VPS50: variants seen among roughly 807,000 people sequenced by gnomAD.
VPS50 encodes the protein VPS50 subunit of EARP/GARPII complex.
VPS50 carries 70 observed loss-of-function variants against 139.7 expected under a neutral mutation model. That is an observed-to-expected ratio of 0.50 (90% CI 0.41 to 0.61). VPS50 has a LOEUF of 0.61. Ranked by LOEUF, VPS50 falls within the 20% of genes least tolerant of loss-of-function variation. The pLI is 0.00. For missense variants in VPS50, 921 were observed against 1,133.7 expected, an observed-to-expected ratio of 0.81 and a Z score of 2.69; for synonymous variants, 365 against 376.7, an observed-to-expected ratio of 0.97 and a Z score of 0.36.
At chr7:93,260,112 G>A (rs1244502204) in intron 9 of VPS50, among the ~76,000 whole-genome samples, 1 of 152,122 alleles carries the variant, frequency 6.6e-6, no homozygotes, top group Non-Finnish European at 1.5e-5. Context: ...GTTTGTAATA[G>A]TTAAGTGATT....
intron 12 of VPS50, among the ~76,000 whole-genome samples, chr7:93,282,817 A>G (rs777637375): frequency 2.0e-5 from 3 of 152,242 alleles, no homozygotes; most frequent in Non-Finnish European, 4.4e-5. Flanking sequence ...ACTTCAAAGA[A>G]TATTATCATT....
chr7:93,276,262 C>T lies in VPS50; in HGVS notation c.899C>T (p.Thr300Ile). ...TATGTGGAACTATGTGCAGGAAACA[C>T]AGACACAAAATTCCAAAAGCTGCAA... ...LGYVELCAGN[T>I]DTKFQKLQYK... The change falls in exon 12 of 28, where the codon ACA becomes ATA. Residue 300 changes from threonine (T) to isoleucine (I), a missense_variant. Thr to Ile is a moderately conservative substitution (Grantham distance 89). Around this residue, in one of 3 missense-constraint regions of VPS50, gnomAD observed 744 missense variants for 930.6 expected, o/e 0.80. Transcript: ENST00000305866. 1 of 1,613,644 alleles carries T rather than the reference C, an allele frequency of 6.2e-7. No homozygotes were observed. The highest frequency in any genetic ancestry group is 1.1e-5 in the South Asian group (1 of 91,048).
At chr7:93,261,037 A>ATG (rs1795654586) in intron 9 of VPS50, among the ~76,000 whole-genome samples, 1 of 152,196 alleles carries the variant, frequency 6.6e-6, no homozygotes, top group Non-Finnish European at 1.5e-5. Context: ...CATTAGTAGA[A>ATG]ACTTGACGAT....
At chr7:93,284,403 G>A (rs1393030243) in intron 12 of VPS50, among the ~76,000 whole-genome samples, 1 of 152,156 alleles carries the variant, frequency 6.6e-6, no homozygotes, top group Non-Finnish European at 1.5e-5. Flanking sequence ...ATATTGAGCT[G>A]TCTATTTGAT....
chr7:93,322,595 G>C (rs1230556085), intron 20 of VPS50, among the ~76,000 whole-genome samples: 1 of 96,162 alleles, frequency 1.0e-5, no homozygotes, highest in South Asian at 3.7e-4. Flanking sequence ...GCGAGACTCC[G>C]TCTCAAAAAA....
At chr7:93,263,381 T>G (rs1217067759) in intron 9 of VPS50, among the ~76,000 whole-genome samples, 1 of 152,234 alleles carries the variant, frequency 6.6e-6, no homozygotes, top group Non-Finnish European at 1.5e-5. Context: ...TGTTTTCCTT[T>G]TAGAAATGAT....
At chr7:93,272,115 A>G (rs1004115409) in intron 10 of VPS50, among the ~76,000 whole-genome samples, 10 of 151,782 alleles carry the variant, frequency 6.6e-5, no homozygotes, top group African/African-American at 2.4e-4. Context: ...TATATTAAAA[A>G]CTCTTATTTC....
At position 93,294,563 on chromosome 7, in the gene VPS50, GTA is replaced by G; in HGVS notation, c.1095_1096del (p.Thr366Ter). The G allele has an allele frequency of 6.3e-7, 1 of 1,589,088 alleles. No homozygotes were observed. On this transcript the variant is annotated frameshift_variant, in exon 14 of 28. Coordinates refer to ENST00000305866, the MANE Select transcript of VPS50 (RefSeq NM_017667.4). LOFTEE classifies it high-confidence loss of function. ...TTTTCAGAAGGGAGTAATATGATAGGTACTGAAGAAACTAATTTTGATCGTGG... is the reference window on the plus strand; with the variant it reads ...TTTTCAGAAGGGAGTAATATGATAGGCTGAAGAAACTAATTTTGATCGTGG...
intron 9 of VPS50, among the ~76,000 whole-genome samples, chr7:93,260,643 T>C (rs1168315482): frequency 2.0e-5 from 3 of 152,112 alleles, no homozygotes; most frequent in African/African-American, 4.8e-5. Context: ...GTTTTTTTTT[T>C]TCTTTAAAAT....
chr7:93,259,099 GT>G (rs1311809511), intron 8 of VPS50, among the ~76,000 whole-genome samples: 2 of 150,050 alleles, frequency 1.3e-5, no homozygotes, highest in African/African-American at 2.4e-5. Context: ...ATTAATTAGT[GT>G]TTTTTTTCTA....
chr7:93,294,940 G>A (rs957448040), intron 14 of VPS50, among the ~76,000 whole-genome samples: 1 of 151,906 alleles, frequency 6.6e-6, no homozygotes, highest in Non-Finnish European at 1.5e-5. Context: ...TCAGTGAGAT[G>A]TTCTGTTTAT....
Position 93,260,888 on chromosome 7 carries a change from G to C in VPS50, c.659+1256G>C, listed in dbSNP as rs528774098. Among the ~76,000 whole-genome samples the C allele has an allele frequency of 1.6e-4, 24 of 152,198 alleles. No homozygotes were observed. The South Asian group carries it at 4.8e-3, about 30-fold the overall frequency. ...TTTTTGTATTTTTAGTAGAGATGGG[G>C]TTTTGCCATGTCAGCCAGGCTGGTC... is the stretch of plus-strand genomic sequence containing the variant. On this transcript the variant is annotated intron_variant, in intron 9 of 27. Coordinates refer to ENST00000305866, the MANE Select transcript of VPS50 (RefSeq NM_017667.4).
At chr7:93,312,185 A>G (rs1461230485) in intron 20 of VPS50, among the ~76,000 whole-genome samples, 2 of 152,218 alleles carry the variant, frequency 1.3e-5, no homozygotes, top group Admixed American at 6.6e-5. Context: ...ACAGAAAGGT[A>G]TACCTTTTCA....
chr7:93,243,818 C>G (rs981170231), intron 2 of VPS50, among the ~76,000 whole-genome samples: 2 of 151,814 alleles, frequency 1.3e-5, no homozygotes, highest in African/African-American at 4.8e-5. Flanking sequence ...AGTAAAAATA[C>G]CAGTATTCAG....
At chr7:93,319,713 C>T (rs1262657446) in intron 20 of VPS50, among the ~76,000 whole-genome samples, 2 of 151,990 alleles carry the variant, frequency 1.3e-5, no homozygotes, top group African/African-American at 4.8e-5. Flanking sequence ...CTCCTGTGTT[C>T]CTCAACTATT....
intron 22 of VPS50, among the ~76,000 whole-genome samples, chr7:93,334,672 T>C (rs1798025942): frequency 2.0e-5 from 3 of 152,308 alleles, no homozygotes; most frequent in Middle Eastern, 6.8e-3. Flanking sequence ...TATAAACGGC[T>C]TTGAAATTCA....
chr7:93,253,914 A>C lies in VPS50; in HGVS notation c.280A>C (p.Lys94Gln). 6.3e-7 allele frequency: 1 copy of C among 1,593,194 alleles called. No individual in the cohort carries two copies. Among genetic ancestry groups the C allele is most frequent in the East Asian group, 2.2e-5 (1 of 44,732 alleles). The change falls in exon 4 of 28, where the codon AAA becomes CAA. Residue 94 changes from lysine (K) to glutamine (Q), a missense_variant. Around this residue, in one of 3 missense-constraint regions of VPS50, gnomAD observed 744 missense variants for 930.6 expected, o/e 0.80. Coordinates refer to ENST00000305866, the MANE Select transcript of VPS50 (RefSeq NM_017667.4). The stretch of plus-strand genomic sequence containing the variant: ...ATTAGAGGCGTATAGAGACAAATTG[A>C]AACAACAGCAAGCTGCAGTAAGTAA... ...QELEAYRDKLKQQQAAVSKKV... is the reference protein window; with the variant it reads ...QELEAYRDKLQQQQAAVSKKV...
chr7:93,248,613 AT>A lies in VPS50; in HGVS notation c.103-4034del, dbSNP rs1562849167. Among the ~76,000 whole-genome samples, 4 of 152,144 alleles carry A rather than the reference AT, an allele frequency of 2.6e-5. No homozygotes were observed. The East Asian group carries it at 7.7e-4, about 29-fold the overall frequency. Reference sequence around the variant, plus strand: ...TTTCCTTTCCTTTTGTCTTATATTCATTTTTTGCAATTAACTGTAAATTAAT... The same window carrying A: ...TTTCCTTTCCTTTTGTCTTATATTCATTTTTGCAATTAACTGTAAATTAAT... On this transcript the variant is annotated intron_variant, in intron 2 of 27. Transcript: ENST00000305866.
At position 93,326,630 on chromosome 7, in the gene VPS50, A is replaced by G. The variant is rs183124916; in HGVS notation, c.1977+2898A>G. Among the ~76,000 whole-genome samples, 4 of 152,070 alleles carry G rather than the reference A, an allele frequency of 2.6e-5. No individual in the cohort carries two copies. In the East Asian group the frequency reaches 7.7e-4, roughly 29 times the overall value. ...TGTTTCCAAAGCTCTTATTGAGTAT[A>G]TCTTTTTCTGCTACTCACAGAAAAT... On this transcript the variant is annotated intron_variant, in intron 21 of 27. Coordinates refer to ENST00000305866, the MANE Select transcript of VPS50 (RefSeq NM_017667.4).
Sources: gnomAD v4.1 joint callset for allele counts (sites outside exome capture counted in the v4.1 genomes callset) on GRCh38, gnomAD v4.1.1 for gene constraint, gnomAD v4.1.1 regional missense constraint, MANE v1.5 for transcripts, NCBI Gene and HGNC (gene_info 2026-07-23, HGNC 2026-07-21) for gene names.